Variants in SCAMP5 observed in about 807,000 individuals in gnomAD.
The protein encoded by SCAMP5 is secretory carrier membrane protein 5, also known as secretory carrier-associated membrane protein 5.
In SCAMP5, 7 loss-of-function variants were observed where a neutral mutation model predicts 28.3. The ratio of observed to expected loss-of-function variants is 0.25; its 90% CI spans 0.14 to 0.46. The LOEUF is 0.46. Among genes scored for constraint, SCAMP5 ranks in the 20% least tolerant of loss-of-function variants. SCAMP5 has a pLI of 0.99. For missense variants in SCAMP5, 192 were observed against 312.5 expected (o/e 0.61, Z 2.91); for synonymous variants, 117 against 116.4 (o/e 1.00, Z -0.03).
intron 1 of SCAMP5, among the ~76,000 whole-genome samples, chr15:74,999,941 A>G (rs1466635495): frequency 1.3e-5 from 2 of 152,240 alleles, no homozygotes; most frequent in Non-Finnish European, 2.9e-5. Context: ...TAACATGAAA[A>G]ACTTTCACGA....
At chr15:75,003,945 C>G (rs1322832015) in intron 1 of SCAMP5, among the ~76,000 whole-genome samples, 1 of 150,946 alleles carries the variant, frequency 6.6e-6, no homozygotes, top group Non-Finnish European at 1.5e-5. Flanking sequence ...GCTCTTGTTG[C>G]CCAGGCTGCA....
intron 1 of SCAMP5, 123 bp from the exon 2 acceptor site, chr15:75,011,669 G>A (rs933763327): frequency 2.0e-5 from 9 of 447,394 alleles, no homozygotes; most frequent in African/African-American, 1.2e-4. Context: ...TTGCATTCAC[G>A]GCACTGTGGG....
chr15:75,009,803 TCATGGAA>T (rs2065794675), intron 1 of SCAMP5: 1 of 152,148 alleles, frequency 6.6e-6, no homozygotes, highest in Non-Finnish European at 1.5e-5. Flanking sequence ...AGCAAACTTC[TCATGGAA>T]GTCTAACACA....
At position 75,016,868 on chromosome 15, in the gene SCAMP5, C is replaced by T. The variant is rs540347240; in HGVS notation, c.293+119C>T. On this transcript the variant is annotated intron_variant, in intron 4 of 6. Transcript: ENST00000425597. ...TTACCCTCCCCCAAACTCACTTTCCCTTGCTCACCTTTGGCTCAGATTGCT... is the reference window on the plus strand; with the variant it reads ...TTACCCTCCCCCAAACTCACTTTCCTTTGCTCACCTTTGGCTCAGATTGCT... 20 of 964,390 alleles carry T rather than the reference C, an allele frequency of 2.1e-5. No individual in the cohort carries two copies. In the Admixed American group the frequency reaches 5.4e-4, roughly 26 times the overall value. 59.7% of individuals were successfully genotyped at this position (964,390 alleles called of 1,614,324 possible). A position where few individuals can be genotyped will look rare whatever the true frequency, so the allele number is the denominator to read the frequency against.
chr15:75,001,866 T>C (rs1425559224), intron 1 of SCAMP5, among the ~76,000 whole-genome samples: 1 of 73,108 alleles, frequency 1.4e-5, no homozygotes, highest in East Asian at 3.7e-4. Context: ...CAAGACTCGG[T>C]CTCAAAAAAA....
rs1473350106 is a variant in SCAMP5 at position 75,020,385 on chromosome 15, ACAGGCC to A, written c.*1406_*1411del. On this transcript the variant is annotated 3_prime_UTR_variant, in exon 7 of 7. Coordinates refer to ENST00000425597, the MANE Select transcript of SCAMP5 (RefSeq NM_138967.4). ...TTGAACTCAGGGCCCAAGCAGAAGC[ACAGGCC>A]CAGTCCTGGCTGCAAGCACAATAGC... 3 of 152,646 alleles carry A rather than the reference ACAGGCC, an allele frequency of 2.0e-5. No individual in the cohort carries two copies. Among genetic ancestry groups the A allele is most frequent in the African/African-American group, 7.2e-5 (3 of 41,434 alleles). The allele number at this position is 152,646 out of a possible 1,614,324, so 9.5% of individuals were successfully genotyped here.
Position 75,017,991 on chromosome 15 carries a change from C to T in SCAMP5, c.395+20C>T, listed in dbSNP as rs946917204. 5.2e-6 allele frequency: 8 copies of T among 1,527,296 alleles called. No homozygotes were observed. Among genetic ancestry groups the T allele is most frequent in the African/African-American group, 1.4e-5 (1 of 72,996 alleles). The allele number at this position is 1,527,296 out of a possible 1,614,324, so 94.6% of individuals were successfully genotyped here. On this transcript the variant is annotated intron_variant, in intron 5 of 6. Coordinates refer to ENST00000425597, the MANE Select transcript of SCAMP5 (RefSeq NM_138967.4). ...CGTCTGGTAAGAGGCAGGGGTGTGGCCTGGGGCTGGCAGGGGTGGCGTTGT... is the reference window on the plus strand; with the variant it reads ...CGTCTGGTAAGAGGCAGGGGTGTGGTCTGGGGCTGGCAGGGGTGGCGTTGT...
intron 1 of SCAMP5, among the ~76,000 whole-genome samples, chr15:75,004,550 C>T (rs781012183): frequency 2.0e-5 from 3 of 151,158 alleles, no homozygotes; most frequent in African/African-American, 2.4e-5. Context: ...GGCAACATGG[C>T]GAAACCTTCT....
intron 1 of SCAMP5, among the ~76,000 whole-genome samples, chr15:75,008,089 CT>C (rs35168296): frequency 0.3 from 45,246 of 149,362 alleles, 8,700 homozygotes; most frequent in Non-Finnish European, 0.44. Flanking sequence ...TACTTGGGCT[CT>C]TTTTTTTTTC....
chr15:75,009,441 T>TGTGTG (rs2065790581), intron 1 of SCAMP5, among the ~76,000 whole-genome samples: 14 of 136,062 alleles, frequency 1.0e-4, no homozygotes, highest in South Asian at 2.5e-4. Flanking sequence ...TGCTAGAAGT[T>TGTGTG]TGTGTGTGTG....
chr15:75,008,501 CTTT>C (rs768510982), intron 1 of SCAMP5, among the ~76,000 whole-genome samples: 8 of 130,974 alleles, frequency 6.1e-5, no homozygotes, highest in Non-Finnish European at 8.3e-5. Context: ...CATCTTTATT[CTTT>C]TTTTTTTTTT....
chr15:75,013,472 G>A (rs2065832242), intron 3 of SCAMP5, among the ~76,000 whole-genome samples: 1 of 152,148 alleles, frequency 6.6e-6, no homozygotes, highest in Non-Finnish European at 1.5e-5. Context: ...GCTGAGCCAG[G>A]AGGATCACTT....
At chr15:75,014,020 G>C (rs554700070) in intron 3 of SCAMP5, among the ~76,000 whole-genome samples, 268 of 152,056 alleles carry the variant, frequency 1.8e-3, no homozygotes, top group African/African-American at 6.2e-3. Flanking sequence ...AGGCATGTGA[G>C]GGGGAGGCAA....
intron 1 of SCAMP5, chr15:75,009,934 A>T (rs892787703): frequency 6.6e-6 from 1 of 152,224 alleles, no homozygotes; most frequent in Admixed American, 6.5e-5. Context: ...TCGCTGCCCC[A>T]TCAAGGGTAA....
In SCAMP5 at chr15:75,000,000, T is replaced by C. The variant is rs74023904; in HGVS notation, c.-49+4327T>C. On this transcript the variant is annotated intron_variant, in intron 1 of 6. Coordinates refer to ENST00000425597, the MANE Select transcript of SCAMP5 (RefSeq NM_138967.4). ...AGGTTATAAAACAGGATGTGTGGAA[T>C]GATCTCATTTTTGTCATATATGATT... Among the ~76,000 whole-genome samples the C allele has an allele frequency of 6.8e-3, 1,032 of 152,294 alleles. 19 individuals are homozygous for C. Among genetic ancestry groups the C allele is most frequent in the African/African-American group, 0.024 (998 of 41,542 alleles).
In SCAMP5 at chr15:75,011,871, G is replaced by T. The variant is rs1172895635; in HGVS notation, c.7+25G>T. 18 of 1,607,734 alleles carry T rather than the reference G, an allele frequency of 1.1e-5. No homozygotes were observed. In the African/African-American group the frequency reaches 1.7e-4, roughly 16 times the overall value. ...GGTAAGGAGAGGGGCAGGCTGTGTG[G>T]GTAGGACATGACAGTGAGCATAGCG... On this transcript the variant is annotated intron_variant, in intron 2 of 6. Transcript: ENST00000425597.
In SCAMP5 at chr15:75,009,441, T is replaced by TTGTGTGTGTGTG. The variant is rs3057655; in HGVS notation, c.-48-2320_-48-2309dup. ...AGAATTTGACTGGAATGCTAGAAGT[T>TTGTGTGTGTGTG]TGTGTGTGTGTGTGTGTGTGTGTGT... On this transcript the variant is annotated intron_variant, in intron 1 of 6. Coordinates refer to ENST00000425597, the MANE Select transcript of SCAMP5 (RefSeq NM_138967.4). 1.3e-3 allele frequency among the ~76,000 whole-genome samples: 181 copies of TTGTGTGTGTGTG among 136,144 alleles called. 3 individuals carry two copies. Among genetic ancestry groups the TTGTGTGTGTGTG allele is most frequent in the Non-Finnish European group, 1.9e-3 (123 of 64,040 alleles). The allele number at this position is 136,144 out of a possible 152,430, so 89.3% of individuals were successfully genotyped here. A position where few individuals can be genotyped will look rare whatever the true frequency, so the allele number is the denominator to read the frequency against.
intron 1 of SCAMP5, among the ~76,000 whole-genome samples, chr15:74,998,849 C>G (rs1457801125): frequency 2.0e-5 from 3 of 152,186 alleles, no homozygotes; most frequent in African/African-American, 7.2e-5. Flanking sequence ...ATTATTCATA[C>G]TTTGCTGCAC....
At chr15:75,015,528 T>C in intron 3 of SCAMP5, among the ~76,000 whole-genome samples, 1 of 151,998 alleles carries the variant, frequency 6.6e-6, no homozygotes, top group South Asian at 2.1e-4. Flanking sequence ...CTGGGGAACC[T>C]TGAGAGCAGC....
Sources: gnomAD v4.1 joint callset for allele counts (sites outside exome capture counted in the v4.1 genomes callset) on GRCh38, gnomAD v4.1.1 for gene constraint, MANE v1.5 for transcripts, NCBI Gene and HGNC (gene_info 2026-07-23, HGNC 2026-07-21) for gene names.